LY6K: variants seen among roughly 807,000 people sequenced by gnomAD.
The protein encoded by LY6K is lymphocyte antigen 6K.
Under a neutral mutation model 10.4 loss-of-function variants are expected in LY6K, and 9 were observed. The ratio of observed to expected loss-of-function variants is 0.87; its 90% CI spans 0.52 to 1.52. The LOEUF is 1.52. Ranked by LOEUF, LY6K falls within the 40% of genes most tolerant of loss-of-function variation. The probability of loss-of-function intolerance (pLI) is 0.00; values close to 1 mark genes in which losing one functional copy is unlikely to be tolerated. For missense variants in LY6K, 217 were observed against 211.7 expected (o/e 1.02, Z -0.15); for synonymous variants, 98 against 83.7 (o/e 1.17, Z -0.94).
chr8:142,702,430 C>T (rs1211955568), intron 2 of LY6K: 14 of 1,473,700 alleles, frequency 9.5e-6, no homozygotes, highest in African/African-American at 1.4e-5. Context: ...CTGTGATTCC[C>T]CTGAAAACCT....
chr8:142,701,769 G>A, intron 2 of LY6K, 56 bp downstream of exon 2: 2 of 1,131,560 alleles, frequency 1.8e-6, no homozygotes. Flanking sequence ...AGGGCTTTCA[G>A]GAATCAGGGC....
At position 142,701,698 on chromosome 8, in the gene LY6K, G is replaced by A. The variant is rs782265835; in HGVS notation, c.202G>A (p.Val68Ile). Reference sequence around the variant, plus strand: ...GTGCAAATGGACAGAGCCATACTGCGTTATAGCGGCCGTGAGTGAGTATCT... The same window carrying A: ...GTGCAAATGGACAGAGCCATACTGCATTATAGCGGCCGTGAGTGAGTATCT... Reference protein sequence around the residue: ...RRCKWTEPYCVIAAVKIFPRF... With the variant: ...RRCKWTEPYCIIAAVKIFPRF... The change falls in exon 2 of 3, where the codon GTT becomes ATT. Residue 68 changes from valine (V) to isoleucine (I), a missense_variant. Transcript: ENST00000292430. 4 of 1,612,852 alleles carry A rather than the reference G, an allele frequency of 2.5e-6. No homozygotes were observed. Among genetic ancestry groups the A allele is most frequent in the East Asian group, 2.2e-5 (1 of 44,882 alleles).
intron 2 of LY6K, chr8:142,702,062 G>GC (rs781903631): frequency 1.4e-5 from 4 of 287,616 alleles, no homozygotes; most frequent in Non-Finnish European, 2.6e-5. Flanking sequence ...CCCGCCCTCG[G>GC]CCCCCCAAAG....
chr8:142,702,492 G>A, intron 2 of LY6K: 1 of 1,535,634 alleles, frequency 6.5e-7, no homozygotes, highest in Non-Finnish European at 8.7e-7. Context: ...AGCACATTCT[G>A]CCCACAGGGA....
Position 142,704,828 on chromosome 8 carries a change from T to C in LY6K, c.*1457T>C, listed in dbSNP as rs185650934. 1.5e-4 allele frequency: 23 copies of C among 152,328 alleles called. 1 individual carries two copies. The East Asian group carries it at 4.4e-3, about 29-fold the overall frequency. The allele number at this position is 152,328 out of a possible 1,614,324, so 9.4% of individuals were successfully genotyped here. A position where few individuals can be genotyped will look rare whatever the true frequency, so the allele number is the denominator to read the frequency against. ...AATGCTTCAGGATCTTGATTCCACT[T>C]GTTTAAAATGGCCATAGAACGCTTT... On this transcript the variant is annotated 3_prime_UTR_variant, in exon 3 of 3. Coordinates refer to ENST00000292430, the MANE Select transcript of LY6K (RefSeq NM_017527.4).
In LY6K at chr8:142,703,435, G is replaced by A; in HGVS notation, c.*64G>A. 6.5e-7 allele frequency: 1 copy of A among 1,534,394 alleles called. No homozygotes were observed. Among genetic ancestry groups the A allele is most frequent in the Non-Finnish European group, 8.7e-7 (1 of 1,144,988 alleles). On this transcript the variant is annotated 3_prime_UTR_variant, in exon 3 of 3. Coordinates refer to ENST00000292430, the MANE Select transcript of LY6K (RefSeq NM_017527.4). Reference sequence around the variant, plus strand: ...GACTCGCTCCAGACCGTTGTCACCTGTTGCATTAAACTTGTTTTCTGTTGA... The same window carrying A: ...GACTCGCTCCAGACCGTTGTCACCTATTGCATTAAACTTGTTTTCTGTTGA...
In LY6K at chr8:142,703,152, G is replaced by A. The variant is rs782734192; in HGVS notation, c.279G>A (p.Glu93=). The change falls in exon 3 of 3, where the codon GAG becomes GAA. Residue 93 remains glutamate, a synonymous_variant. Transcript: ENST00000292430. ...GCTCCGCTGGTTGTGCAGCGATGGA[G>A]AGACCCAAGCCAGAGGAGAAGCGGT... ...KQCSAGCAAM[E]RPKPEEKRFL... is the part of the protein sequence containing the mutation. 5 of 1,614,118 alleles carry A rather than the reference G, an allele frequency of 3.1e-6. No homozygotes were observed. In the Admixed American group the frequency reaches 8.3e-5, roughly 27 times the overall value.
intron 2 of LY6K, 106 bp downstream of exon 2, chr8:142,701,819 A>T: frequency 1.5e-6 from 1 of 678,322 alleles, no homozygotes. Context: ...AATAGAAAGT[A>T]GCCTTTTTTT....
intron 1 of LY6K, among the ~76,000 whole-genome samples, chr8:142,701,304 G>GA (rs1554640087): frequency 6.6e-6 from 1 of 152,210 alleles, no homozygotes; most frequent in East Asian, 1.9e-4. Flanking sequence ...AAGAGAGGTG[G>GA]AATTGGCTCA....
chr8:142,703,320 G>A lies in LY6K; in HGVS notation c.447G>A (p.Leu149=), dbSNP rs1554640496. 1.2e-6 allele frequency: 2 copies of A among 1,613,112 alleles called. No homozygotes were observed. The highest frequency in any genetic ancestry group is 1.1e-5 in the South Asian group (1 of 91,052). The change falls in exon 3 of 3, where the codon CTG becomes CTA. Residue 149 remains leucine (L), a synonymous_variant. Coordinates refer to ENST00000292430, the MANE Select transcript of LY6K (RefSeq NM_017527.4). ...GTGAGAGCTGTGGTGGGCTGTGGCT[G>A]GCCATCCTCCTGCTGCTGGCCTCCA... is the stretch of plus-strand genomic sequence containing the variant. The part of the protein sequence containing the change: ...SMGESCGGLW[L]AILLLLASIA...
In LY6K at chr8:142,703,653, T is replaced by C. The variant is rs1554640563; in HGVS notation, c.*282T>C. 1 of 425,364 alleles carries C rather than the reference T, an allele frequency of 2.4e-6. No homozygotes were observed. The highest frequency in any genetic ancestry group is 4.2e-6 in the Non-Finnish European group (1 of 235,800). The allele number at this position is 425,364 out of a possible 1,614,324, so 26.3% of individuals were successfully genotyped here. Reference sequence around the variant, plus strand: ...TCATTTATTGCTGATGGCCACTCTTTTCCTTGACTCCCCTCTGCCTCTGAG... The same window carrying C: ...TCATTTATTGCTGATGGCCACTCTTCTCCTTGACTCCCCTCTGCCTCTGAG... On this transcript the variant is annotated 3_prime_UTR_variant, in exon 3 of 3. Transcript: ENST00000292430.
rs782340298 is a variant in LY6K, at chr8:142,701,700, T to A, written c.204T>A (p.Val68=). 5 of 1,612,738 alleles carry A rather than the reference T, an allele frequency of 3.1e-6. No individual in the cohort carries two copies. Among genetic ancestry groups the A allele is most frequent in the African/African-American group, 1.3e-5 (1 of 74,892 alleles). ...RRCKWTEPYC[V]IAAVKIFPRF... is the part of the protein sequence containing the mutation. ...GCAAATGGACAGAGCCATACTGCGT[T>A]ATAGCGGCCGTGAGTGAGTATCTTC... The change falls in exon 2 of 3, where the codon GTT becomes GTA. Residue 68 remains valine, a synonymous_variant. Coordinates refer to ENST00000292430, the MANE Select transcript of LY6K (RefSeq NM_017527.4).
Position 142,703,305 on chromosome 8 carries a change from T to A in LY6K, c.432T>A (p.Cys144Ter). ...ATGCTGGGAGCATGGGTGAGAGCTG[T>A]GGTGGGCTGTGGCTGGCCATCCTCC... is the stretch of plus-strand genomic sequence containing the variant. ...KEYAGSMGES[C>*]GGLWLAILLL... Residue 144 changes from cysteine to a stop codon, truncating the protein, a stop_gained, in exon 3 of 3, where the codon TGT (cysteine) becomes TGA (stop). Coordinates refer to ENST00000292430, the MANE Select transcript of LY6K (RefSeq NM_017527.4). LOFTEE classifies it low-confidence loss of function (END_TRUNC). 6.2e-7 allele frequency: 1 copy of A among 1,613,642 alleles called. No individual in the cohort carries two copies. The highest frequency in any genetic ancestry group is 8.5e-7 in the Non-Finnish European group (1 of 1,179,966).
At position 142,704,071 on chromosome 8, in the gene LY6K, T is replaced by C. The variant is rs971120766; in HGVS notation, c.*700T>C. ...AGAGCATCAGGGTAAATGGCGTTCATTTCTCTGTTAAGATGCAGCCATCCA... is the reference window on the plus strand; with the variant it reads ...AGAGCATCAGGGTAAATGGCGTTCACTTCTCTGTTAAGATGCAGCCATCCA... On this transcript the variant is annotated 3_prime_UTR_variant, in exon 3 of 3. Transcript: ENST00000292430. 8 of 152,242 alleles carry C rather than the reference T, an allele frequency of 5.3e-5. No homozygotes were observed. Among genetic ancestry groups the C allele is most frequent in the African/African-American group, 1.9e-4 (8 of 41,466 alleles). The allele number at this position is 152,242 out of a possible 1,614,324, so 9.4% of individuals were successfully genotyped here.
chr8:142,700,516 C>G lies in LY6K; in HGVS notation c.-12C>G, dbSNP rs782426852. ...GCCGCGCGCTGACCCTCCCTGGGCA[C>G]CGCTGGGGACGATGGCGCTGCTCGC... is the stretch of plus-strand genomic sequence containing the variant. On this transcript the variant is annotated 5_prime_UTR_variant, in exon 1 of 3. Transcript: ENST00000292430. The G allele has an allele frequency of 1.3e-6, 2 of 1,570,654 alleles. No individual in the cohort carries two copies. Among genetic ancestry groups the G allele is most frequent in the Non-Finnish European group, 1.7e-6 (2 of 1,161,058 alleles).
Position 142,700,367 on chromosome 8 carries a change from G to T in LY6K, c.-161G>T. On this transcript the variant is annotated 5_prime_UTR_variant, in exon 1 of 3. Coordinates refer to ENST00000292430, the MANE Select transcript of LY6K (RefSeq NM_017527.4). The stretch of plus-strand genomic sequence containing the variant: ...CGAGGCCCTGAGATGAGGCTCCAAA[G>T]ACCCCGACAGGCCCCGGCGGGTGGG... The T allele has an allele frequency of 7.5e-7, 1 of 1,334,296 alleles. No individual in the cohort carries two copies. The highest frequency in any genetic ancestry group is 4.1e-5 in the Admixed American group (1 of 24,192). The allele number at this position is 1,334,296 out of a possible 1,614,324, so 82.7% of individuals were successfully genotyped here. A position where few individuals can be genotyped will look rare whatever the true frequency, so the allele number is the denominator to read the frequency against.
Position 142,700,327 on chromosome 8 carries a change from G to A in LY6K, c.-201G>A, listed in dbSNP as rs1216566203. On this transcript the variant is annotated 5_prime_UTR_variant, in exon 1 of 3. Coordinates refer to ENST00000292430, the MANE Select transcript of LY6K (RefSeq NM_017527.4). Reference sequence around the variant, plus strand: ...GGCGGGACTCAGAACCGGCGTTCAGGGCCGCCAGCGGCCGCGAGGCCCTGA... The same window carrying A: ...GGCGGGACTCAGAACCGGCGTTCAGAGCCGCCAGCGGCCGCGAGGCCCTGA... The A allele has an allele frequency of 7.7e-7, 1 of 1,304,202 alleles. No homozygotes were observed. The highest frequency in any genetic ancestry group is 1.6e-5 in the African/African-American group (1 of 64,292). 80.8% of individuals were successfully genotyped at this position (1,304,202 alleles called of 1,614,324 possible).
intron 2 of LY6K, 196 bp downstream of exon 2, chr8:142,701,909 A>G (rs931276015): frequency 3.9e-6 from 2 of 513,154 alleles, no homozygotes; most frequent in Admixed American, 6.5e-5. Context: ...TTCCGGGTTC[A>G]AGCGATTCTC....
chr8:142,700,777 T>A (rs1243430023), intron 1 of LY6K, 147 bp downstream of exon 1: 2 of 840,668 alleles, frequency 2.4e-6, no homozygotes, highest in Middle Eastern at 4.0e-4. Flanking sequence ...CTGGGGAGCC[T>A]CGCCTCGTGC....
Sources: allele counts gnomAD v4.1 joint callset (sites outside exome capture counted in the v4.1 genomes callset), GRCh38; gene constraint gnomAD v4.1.1; transcripts MANE v1.5; gene names NCBI Gene and HGNC (gene_info 2026-07-23, HGNC 2026-07-21).